RXRA: variants seen among roughly 807,000 people sequenced by gnomAD.
RXRA encodes the protein retinoid X receptor alpha, also known as retinoic acid receptor RXR-alpha.
In RXRA, 5 loss-of-function variants were observed where a neutral mutation model predicts 44.5. That is an observed-to-expected ratio of 0.11 (90% CI 0.06 to 0.24). The LOEUF (loss-of-function observed/expected upper bound fraction) is 0.24, where lower values mean the gene tolerates loss of function less well. Ranked by LOEUF, RXRA falls within the 10% of genes least tolerant of loss-of-function variation. The probability of loss-of-function intolerance (pLI) is 1.00; values close to 1 mark genes in which losing one functional copy is unlikely to be tolerated. For synonymous variants in RXRA, 291 were observed against 271.4 expected (o/e 1.07, Z -0.71); for missense variants, 412 against 646.5 (o/e 0.64, Z 3.93).
intron 6 of RXRA, chr9:134,424,474 C>T (rs1167765912): frequency 5.1e-6 from 5 of 985,334 alleles, no homozygotes; most frequent in Non-Finnish European, 6.0e-6. Flanking sequence ...CTTCTGGCTT[C>T]GAGGGCCGCA....
intron 1 of RXRA, among the ~76,000 whole-genome samples, chr9:134,388,343 G>A (rs1410350740): frequency 2.0e-5 from 3 of 151,048 alleles, no homozygotes; most frequent in Admixed American, 2.0e-4. Context: ...GGGTCACTAC[G>A]GGCATCTGGT....
intron 1 of RXRA, among the ~76,000 whole-genome samples, chr9:134,388,626 G>A (rs560803263): frequency 6.6e-6 from 1 of 152,326 alleles, no homozygotes; most frequent in East Asian, 1.9e-4. Flanking sequence ...CCCTGAGCAG[G>A]AGCCTCTCCT....
Position 134,358,980 on chromosome 9 carries a change from C to A in RXRA, c.28+32321C>A, listed in dbSNP as rs567215206. On this transcript the variant is annotated intron_variant, in intron 1 of 9. Transcript: ENST00000481739. Reference sequence around the variant, plus strand: ...TTAAGCGTTGCGCCCACTCCTACCCCATGCCCAGTTCTGGAAGGCTCAACA... The same window carrying A: ...TTAAGCGTTGCGCCCACTCCTACCCAATGCCCAGTTCTGGAAGGCTCAACA... 7.2e-5 allele frequency among the ~76,000 whole-genome samples: 11 copies of A among 152,330 alleles called. No individual in the cohort carries two copies. In the South Asian group the frequency reaches 1.4e-3, roughly 20 times the overall value.
intron 8 of RXRA, among the ~76,000 whole-genome samples, chr9:134,432,530 T>TGC (rs930608156): frequency 2.6e-5 from 4 of 152,150 alleles, no homozygotes; most frequent in Non-Finnish European, 4.4e-5. Context: ...TGGCCGACAG[T>TGC]GCGGCCCTTC....
intron 1 of RXRA, among the ~76,000 whole-genome samples, chr9:134,337,794 C>T (rs782527661): frequency 1.3e-5 from 2 of 152,172 alleles, no homozygotes; most frequent in African/African-American, 2.4e-5. Flanking sequence ...GACAGCAGTG[C>T]GCCTCCCTCT....
chr9:134,346,549 T>C (rs1431828467), intron 1 of RXRA, among the ~76,000 whole-genome samples: 1 of 152,148 alleles, frequency 6.6e-6, no homozygotes, highest in Non-Finnish European at 1.5e-5. Flanking sequence ...TTAATCTTCT[T>C]GACCAGGACC....
At chr9:134,425,573 G>GT in intron 6 of RXRA, 1 of 814,770 alleles carries the variant, frequency 1.2e-6, no homozygotes, top group Non-Finnish European at 1.5e-6. Flanking sequence ...TGAGGGGGGT[G>GT]GGGGGAATGG....
intron 1 of RXRA, among the ~76,000 whole-genome samples, chr9:134,352,019 A>G (rs1335519334): frequency 6.6e-6 from 1 of 152,210 alleles, no homozygotes; most frequent in Non-Finnish European, 1.5e-5. Flanking sequence ...TGCATGGGTC[A>G]TGGTGCTGGA....
chr9:134,378,428 C>T (rs569261311), intron 1 of RXRA, among the ~76,000 whole-genome samples: 217 of 152,238 alleles, frequency 1.4e-3, no homozygotes, highest in Non-Finnish European at 2.7e-3. Context: ...CCATCTGCCT[C>T]CAGAACGCAG....
At chr9:134,422,070 G>GCTCCCCTCTCCCAGGACA (rs753676958) in intron 6 of RXRA, 2 of 1,148,126 alleles carry the variant, frequency 1.7e-6, no homozygotes, top group Admixed American at 3.4e-5. Context: ...CTCCCAGGAC[G>GCTCCCCTCTCCCAGGACA]CTCCCCTCTC....
At chr9:134,435,739 T>C (rs1336349979) in intron 9 of RXRA, among the ~76,000 whole-genome samples, 1 of 152,156 alleles carries the variant, frequency 6.6e-6, no homozygotes, top group Non-Finnish European at 1.5e-5. Flanking sequence ...GTGCCGGGCC[T>C]GTTCCCTGCG....
At chr9:134,332,348 A>G (rs1554746773) in intron 1 of RXRA, among the ~76,000 whole-genome samples, 1 of 152,126 alleles carries the variant, frequency 6.6e-6, no homozygotes, top group East Asian at 1.9e-4. Flanking sequence ...TGAGGTCCTA[A>G]CCCAGCACAC....
chr9:134,334,319 T>G (rs960696801), intron 1 of RXRA, among the ~76,000 whole-genome samples: 2 of 152,268 alleles, frequency 1.3e-5, no homozygotes, highest in Non-Finnish European at 2.9e-5. Flanking sequence ...GCACCTCTCC[T>G]GCCTGTCAGC....
At chr9:134,369,293 TTA>T (rs1214394916) in intron 1 of RXRA, among the ~76,000 whole-genome samples, 246 of 43,302 alleles carry the variant, frequency 5.7e-3, no homozygotes, top group African/African-American at 0.024. Context: ...TGTGTGGGGG[TTA>T]TGTGTGTGTG....
At chr9:134,411,815 C>T (rs1435714938) in intron 4 of RXRA, among the ~76,000 whole-genome samples, 10 of 152,238 alleles carry the variant, frequency 6.6e-5, no homozygotes, top group Non-Finnish European at 1.5e-5. Context: ...GCCCTGCTGC[C>T]AGTGCCTCTC....
chr9:134,424,957 C>G (rs900885085), intron 6 of RXRA: 4 of 985,358 alleles, frequency 4.1e-6, no homozygotes, highest in Non-Finnish European at 4.8e-6. Context: ...GTGCTAGGCC[C>G]TCCCACTGTG....
intron 9 of RXRA, among the ~76,000 whole-genome samples, chr9:134,434,794 C>T (rs114615884): frequency 0.017 from 2,532 of 151,334 alleles, 73 homozygotes; most frequent in African/African-American, 0.058. Flanking sequence ...TCAAAGTCAG[C>T]GCTCCAGATT....
intron 1 of RXRA, among the ~76,000 whole-genome samples, chr9:134,368,072 C>A (rs1564272317): frequency 6.6e-6 from 1 of 152,262 alleles, no homozygotes; most frequent in Non-Finnish European, 1.5e-5. Context: ...GGGCCAGGAG[C>A]CTGCGGCAGC....
intron 6 of RXRA, 35 bp from the exon 7 acceptor site, chr9:134,429,073 G>A (rs1693315120): frequency 6.2e-7 from 1 of 1,611,656 alleles, no homozygotes; most frequent in Non-Finnish European, 8.5e-7. Context: ...CGTGGGGCCT[G>A]GAGACAGCTG....
Sources: allele counts gnomAD v4.1 joint callset (sites outside exome capture counted in the v4.1 genomes callset), GRCh38; gene constraint gnomAD v4.1.1; transcripts MANE v1.5; gene names NCBI Gene and HGNC (gene_info 2026-07-23, HGNC 2026-07-21).